Variants in MOXD1 observed in about 807,000 individuals in gnomAD.
The protein encoded by MOXD1 is monooxygenase DBH like 1, also known as DBH-like monooxygenase protein 1.
In MOXD1, 62 loss-of-function variants were observed where a neutral mutation model predicts 66.6. That is an observed-to-expected ratio of 0.93 (90% CI 0.76 to 1.15). The LOEUF (loss-of-function observed/expected upper bound fraction) is 1.15. Ranked by LOEUF, MOXD1 falls within the 50% of genes most tolerant of loss-of-function variation. The pLI, the probability that MOXD1 is intolerant of heterozygous loss-of-function variation, is 0.00. For synonymous variants in MOXD1, 303 were observed against 281.9 expected (o/e 1.07, Z -0.75); for missense variants, 847 against 754.6 (o/e 1.12, Z -1.44).
chr6:132,395,482 A>G (rs1209149403), intron 1 of MOXD1, among the ~76,000 whole-genome samples: 1 of 152,176 alleles, frequency 6.6e-6, no homozygotes, highest in Non-Finnish European at 1.5e-5. Flanking sequence ...GATACACAAA[A>G]CAACTAGAAA....
chr6:132,348,738 T>C lies in MOXD1; in HGVS notation c.664-20144A>G, dbSNP rs7751860. On this transcript the variant is annotated intron_variant, in intron 4 of 11. Transcript: ENST00000367963. Reference sequence around the variant, plus strand: ...AAAGAAAAATTTACAGTTTCAGGAATGTGGCCAATCTCTTTTCTTGGCAGA... The same window carrying C: ...AAAGAAAAATTTACAGTTTCAGGAACGTGGCCAATCTCTTTTCTTGGCAGA... Among the ~76,000 whole-genome samples the C allele has an allele frequency of 9.6e-3, 1,456 of 152,286 alleles. 29 individuals are homozygous for C. Among genetic ancestry groups the C allele is most frequent in the African/African-American group, 0.033 (1,389 of 41,556 alleles).
chr6:132,297,664 A>C, intron 11 of MOXD1, 123 bp downstream of exon 11: 3 of 1,183,990 alleles, frequency 2.5e-6, no homozygotes, highest in Non-Finnish European at 2.3e-6. Flanking sequence ...AACAAAAATT[A>C]TCAGACATTA....
At chr6:132,320,066 T>G (rs1168325049) in intron 9 of MOXD1, among the ~76,000 whole-genome samples, 1 of 152,196 alleles carries the variant, frequency 6.6e-6, no homozygotes, top group Non-Finnish European at 1.5e-5. Flanking sequence ...CTGGCCCCTT[T>G]TATACTATCC....
chr6:132,341,708 A>G (rs1027358118), intron 4 of MOXD1, among the ~76,000 whole-genome samples: 12 of 152,204 alleles, frequency 7.9e-5, no homozygotes, highest in Admixed American at 6.5e-4. Context: ...TTACGATTTC[A>G]TTCGTGCTGT....
chr6:132,378,106 CTGAG>C (rs1385839331), intron 1 of MOXD1, among the ~76,000 whole-genome samples: 1 of 152,030 alleles, frequency 6.6e-6, no homozygotes, highest in Admixed American at 6.5e-5. Context: ...GCACTCCAGC[CTGAG>C]TGACAAGAGA....
chr6:132,302,205 C>T (rs1007326367), intron 10 of MOXD1, among the ~76,000 whole-genome samples: 9 of 152,142 alleles, frequency 5.9e-5, no homozygotes, highest in Non-Finnish European at 1.2e-4. Context: ...CATTTGAGCT[C>T]AAACTAGCCA....
chr6:132,306,045 G>C (rs987408759), intron 10 of MOXD1, among the ~76,000 whole-genome samples: 3 of 152,112 alleles, frequency 2.0e-5, no homozygotes, highest in African/African-American at 7.2e-5. Flanking sequence ...GGCTTCAGAA[G>C]ATGGGTAATA....
At chr6:132,303,754 CATAT>C (rs111391678) in intron 10 of MOXD1, among the ~76,000 whole-genome samples, 2,675 of 122,102 alleles carry the variant, frequency 0.022, 113 homozygotes, top group African/African-American at 0.074. Flanking sequence ...TACACATGTA[CATAT>C]ATATATATAT....
chr6:132,370,001 A>G (rs182547288), intron 4 of MOXD1, among the ~76,000 whole-genome samples: 1 of 152,242 alleles, frequency 6.6e-6, no homozygotes, highest in Non-Finnish European at 1.5e-5. Context: ...ACTTCTCACA[A>G]TTCAACTGTG....
chr6:132,382,231 G>A (rs6923939), intron 1 of MOXD1, among the ~76,000 whole-genome samples: 19,452 of 151,996 alleles, frequency 0.13, 1,831 homozygotes, highest in East Asian at 0.45. Context: ...AAGAAGGATA[G>A]AGAGGATTCA....
chr6:132,320,553 T>A (rs1406159465), intron 9 of MOXD1, 76 bp downstream of exon 9: 1 of 1,270,064 alleles, frequency 7.9e-7, no homozygotes, highest in Non-Finnish European at 1.1e-6. Flanking sequence ...AAATGGTTTT[T>A]ACCTTTTTCT....
intron 4 of MOXD1, among the ~76,000 whole-genome samples, chr6:132,346,798 A>G (rs897438822): frequency 2.0e-5 from 3 of 152,182 alleles, no homozygotes; most frequent in African/African-American, 7.2e-5. Context: ...CCACAGTGCC[A>G]CCCATTCAAA....
chr6:132,341,496 A>T (rs533618660), intron 4 of MOXD1, among the ~76,000 whole-genome samples: 13 of 152,294 alleles, frequency 8.5e-5, no homozygotes, highest in African/African-American at 3.1e-4. Flanking sequence ...GATCTTCCCA[A>T]ATCGCACTTT....
intron 9 of MOXD1, among the ~76,000 whole-genome samples, chr6:132,316,619 A>G (rs1774964836): frequency 6.6e-6 from 1 of 152,150 alleles, no homozygotes; most frequent in African/African-American, 2.4e-5. Flanking sequence ...ACTTCACAGG[A>G]TAAGCTCAAC....
At chr6:132,323,780 G>A (rs1263944794) in intron 7 of MOXD1, 151 bp downstream of exon 7, 8 of 826,530 alleles carry the variant, frequency 9.7e-6, no homozygotes, top group Non-Finnish European at 1.2e-5. Context: ...TAAAAAAGCA[G>A]TCAAAAGTCC....
At chr6:132,306,298 C>G (rs1028319752) in intron 10 of MOXD1, among the ~76,000 whole-genome samples, 1 of 151,734 alleles carries the variant, frequency 6.6e-6, no homozygotes, top group African/African-American at 2.4e-5. Context: ...ATAAGGCATG[C>G]AGACAAGACT....
intron 4 of MOXD1, among the ~76,000 whole-genome samples, chr6:132,355,233 A>G (rs574455932): frequency 8.5e-5 from 13 of 152,058 alleles, no homozygotes; most frequent in Non-Finnish European, 1.6e-4. Flanking sequence ...GTGGCATTTT[A>G]CCCTGTGCCT....
intron 4 of MOXD1, among the ~76,000 whole-genome samples, chr6:132,368,543 C>T (rs1776193864): frequency 6.6e-6 from 1 of 151,868 alleles, no homozygotes; most frequent in Non-Finnish European, 1.5e-5. Flanking sequence ...GTTTCAACAG[C>T]CAATAATTGT....
chr6:132,358,596 A>G (rs1046038041), intron 4 of MOXD1, among the ~76,000 whole-genome samples: 4 of 152,238 alleles, frequency 2.6e-5, no homozygotes, highest in Non-Finnish European at 4.4e-5. Flanking sequence ...TATGTTATAT[A>G]TGGGTATATA....
Sources: gnomAD v4.1 joint callset for allele counts (sites outside exome capture counted in the v4.1 genomes callset) on GRCh38, gnomAD v4.1.1 for gene constraint, MANE v1.5 for transcripts, NCBI Gene and HGNC (gene_info 2026-07-23, HGNC 2026-07-21) for gene names.